IQUB: variants seen among roughly 807,000 people sequenced by gnomAD.
The protein encoded by IQUB is IQ motif and ubiquitin-like domain-containing protein.
IQUB carries 86 observed loss-of-function variants against 86.4 expected under a neutral mutation model. The observed-to-expected ratio is 1.00, with a 90% CI of 0.84 to 1.19. The LOEUF (loss-of-function observed/expected upper bound fraction) is 1.19. Ranked by LOEUF, IQUB falls within the 50% of genes most tolerant of loss-of-function variation. The probability of loss-of-function intolerance (pLI) is 0.00; values close to 1 mark genes in which losing one functional copy is unlikely to be tolerated. For synonymous variants in IQUB, 289 were observed against 304.5 expected (o/e 0.95, Z 0.53); for missense variants, 946 against 916.9 (o/e 1.03, Z -0.41).
rs779729495 is a variant in IQUB, at chr7:123,502,905, A to C, written c.867+39T>G. 4.6e-6 allele frequency: 7 copies of C among 1,535,688 alleles called. No homozygotes were observed. The East Asian group carries it at 1.6e-4, about 35-fold the overall frequency. The stretch of plus-strand genomic sequence containing the variant: ...GTCATACAGTACAATTATTGAGTCT[A>C]TACCTTCAAAAACCTAAAGAGACAA... On this transcript the variant is annotated intron_variant, in intron 5 of 12. Transcript: ENST00000324698.
At chr7:123,500,401 TA>T (rs1225378479) in intron 6 of IQUB, among the ~76,000 whole-genome samples, 1 of 151,610 alleles carries the variant, frequency 6.6e-6, no homozygotes, top group South Asian at 2.1e-4. Flanking sequence ...AAGAAAAGGC[TA>T]AAAAAAGCAT....
chr7:123,520,859 G>C (rs934945598), intron 1 of IQUB, among the ~76,000 whole-genome samples: 11 of 152,170 alleles, frequency 7.2e-5, no homozygotes, highest in African/African-American at 2.4e-4. Flanking sequence ...AAAGGATTTA[G>C]TGATGAACTA....
At chr7:123,484,917 C>A (rs1436492352) in intron 7 of IQUB, among the ~76,000 whole-genome samples, 1 of 151,978 alleles carries the variant, frequency 6.6e-6, no homozygotes, top group East Asian at 1.9e-4. Context: ...TATTTCCCAA[C>A]TAGTAACAAA....
chr7:123,474,370 CA>C (rs1454852030), intron 8 of IQUB, among the ~76,000 whole-genome samples: 3 of 151,702 alleles, frequency 2.0e-5, no homozygotes, highest in Non-Finnish European at 2.9e-5. Context: ...TCTTAAAAAT[CA>C]AAAACTTTAG....
In IQUB at chr7:123,496,760, G is replaced by A. The variant is rs781703851; in HGVS notation, c.1170C>T (p.Asp390=). ...TTTTAGGATTATGCCTCCGGTGATAGTCCAATTTTATCCATTCTTCTTTTT... is the reference window on the plus strand; with the variant it reads ...TTTTAGGATTATGCCTCCGGTGATAATCCAATTTTATCCATTCTTCTTTTT... ...IREKEEWIKL[D]YHRRHNPKTN... The change falls in exon 7 of 13, where the codon GAC becomes GAT. Residue 390 remains aspartate (D), a synonymous_variant. Transcript: ENST00000324698. 1.2e-5 allele frequency: 20 copies of A among 1,611,178 alleles called. No homozygotes were observed. The highest frequency in any genetic ancestry group is 1.4e-5 in the Non-Finnish European group (17 of 1,178,058).
chr7:123,517,552 A>G (rs960551167), intron 1 of IQUB, among the ~76,000 whole-genome samples: 24 of 149,938 alleles, frequency 1.6e-4, no homozygotes, highest in Non-Finnish European at 3.0e-4. Flanking sequence ...AAAAAAAAAA[A>G]AAAAAGAAAG....
chr7:123,486,015 A>G (rs983322238), intron 7 of IQUB, among the ~76,000 whole-genome samples: 10 of 152,186 alleles, frequency 6.6e-5, no homozygotes, highest in Non-Finnish European at 1.3e-4. Context: ...TGATAAAGTC[A>G]GGGAGCCACA....
At chr7:123,498,072 T>C (rs1178804029) in intron 6 of IQUB, among the ~76,000 whole-genome samples, 2 of 149,992 alleles carry the variant, frequency 1.3e-5, no homozygotes, top group African/African-American at 4.9e-5. Context: ...ACACCCAGGA[T>C]GAAAAAAAAA....
chr7:123,492,898 T>C (rs1432941350), intron 7 of IQUB, among the ~76,000 whole-genome samples: 1 of 152,186 alleles, frequency 6.6e-6, no homozygotes, highest in East Asian at 1.9e-4. Flanking sequence ...ACAAGATCCC[T>C]TCACTTCTAT....
intron 7 of IQUB, among the ~76,000 whole-genome samples, chr7:123,486,476 T>A (rs150141987): frequency 3.5e-4 from 53 of 152,330 alleles, no homozygotes; most frequent in African/African-American, 1.2e-3. Flanking sequence ...TTCTACCTTG[T>A]ACAATGACCA....
At chr7:123,463,275 T>C (rs1425758482) in intron 10 of IQUB, among the ~76,000 whole-genome samples, 1 of 151,746 alleles carries the variant, frequency 6.6e-6, no homozygotes, top group Non-Finnish European at 1.5e-5. Context: ...TGTGATTCAA[T>C]ATGCCACTTT....
In IQUB at chr7:123,503,427, TTTTTTG is replaced by T; in HGVS notation, c.533-70_533-65del. ...AAGAAATGGCTATTCATTGATCTTATTTTTTGTTTTTAATTGACAAATAAAAATTGT... is the reference window on the plus strand; with the variant it reads ...AAGAAATGGCTATTCATTGATCTTATTTTTTAATTGACAAATAAAAATTGT... On this transcript the variant is annotated intron_variant, in intron 3 of 12. Transcript: ENST00000324698. 3.4e-6 allele frequency: 3 copies of T among 879,012 alleles called. No individual in the cohort carries two copies. The East Asian group carries it at 7.7e-5, about 23-fold the overall frequency. The allele number at this position is 879,012 out of a possible 1,614,324, so 54.5% of individuals were successfully genotyped here.
At chr7:123,460,303 A>C (rs949696896) in intron 11 of IQUB, among the ~76,000 whole-genome samples, 1 of 151,994 alleles carries the variant, frequency 6.6e-6, no homozygotes, top group African/African-American at 2.4e-5. Context: ...ATGCATGCCT[A>C]TATCAGGTTG....
intron 12 of IQUB, among the ~76,000 whole-genome samples, chr7:123,454,267 GT>G (rs1198480590): frequency 6.6e-6 from 1 of 151,906 alleles, no homozygotes; most frequent in East Asian, 1.9e-4. Context: ...AACTTTATAG[GT>G]TTTCAAGGTG....
intron 1 of IQUB, among the ~76,000 whole-genome samples, chr7:123,523,224 T>C (rs1312770189): frequency 2.3e-5 from 3 of 132,716 alleles, no homozygotes; most frequent in Non-Finnish European, 5.0e-5. Context: ...TACCCAGTAA[T>C]GGGATGGCTG....
chr7:123,459,385 C>A (rs1373003356), intron 11 of IQUB, among the ~76,000 whole-genome samples: 1 of 151,950 alleles, frequency 6.6e-6, no homozygotes, highest in Non-Finnish European at 1.5e-5. Context: ...CTGAGTAAAG[C>A]AGAGTGTCTT....
chr7:123,529,359 T>A (rs1385597964), intron 1 of IQUB, among the ~76,000 whole-genome samples: 3 of 152,004 alleles, frequency 2.0e-5, no homozygotes, highest in African/African-American at 7.2e-5. Flanking sequence ...CATTTATTTT[T>A]ATGTAAAATA....
At chr7:123,525,981 T>G (rs7385254) in intron 1 of IQUB, among the ~76,000 whole-genome samples, 103,746 of 130,346 alleles carry the variant, frequency 0.8, 41,809 homozygotes, top group African/African-American at 0.82. Context: ...TTCAGGAGCA[T>G]GTTGTTCAGT....
At chr7:123,484,834 TA>T (rs1192840478) in intron 7 of IQUB, among the ~76,000 whole-genome samples, 1 of 151,994 alleles carries the variant, frequency 6.6e-6, no homozygotes, top group Non-Finnish European at 1.5e-5. Context: ...TTAATTCCAG[TA>T]AAATTCTCTA....
Sources: gnomAD v4.1 joint callset for allele counts (sites outside exome capture counted in the v4.1 genomes callset) on GRCh38, gnomAD v4.1.1 for gene constraint, MANE v1.5 for transcripts, NCBI Gene and HGNC (gene_info 2026-07-23, HGNC 2026-07-21) for gene names.